Variants in RALGPS2 observed in about 807,000 individuals in gnomAD.
RALGPS2 encodes the protein Ral GEF with PH domain and SH3 binding motif 2, also known as ras-specific guanine nucleotide-releasing factor RalGPS2.
A neutral mutation model predicts 86.8 loss-of-function variants in RALGPS2; 43 were observed. That is an observed-to-expected ratio of 0.50 (90% CI 0.39 to 0.64). The LOEUF is 0.64. RALGPS2 is among the 30% of genes least tolerant of loss of function. RALGPS2 has a pLI of 0.00. For missense variants in RALGPS2, 536 were observed against 694.6 expected (o/e 0.77, Z 2.57); for synonymous variants, 243 against 231.3 (o/e 1.05, Z -0.46).
chr1:178,876,243 T>G (rs1297256662), intron 8 of RALGPS2, among the ~76,000 whole-genome samples: 3 of 152,198 alleles, frequency 2.0e-5, no homozygotes, highest in Non-Finnish European at 4.4e-5. Flanking sequence ...AATGAGATTT[T>G]GAAGTCATAA....
intron 1 of RALGPS2, among the ~76,000 whole-genome samples, chr1:178,742,422 A>G (rs1651088750): frequency 6.6e-6 from 1 of 152,210 alleles, no homozygotes. Context: ...AGTTCTAAAC[A>G]TTTATGCCCC....
At position 178,762,656 on chromosome 1, in the gene RALGPS2, A is replaced by G. The variant is rs1185472126; in HGVS notation, c.-83-14026A>G. ...TTATTGCCCATATTTAGGTCTTTTGAGAAGTATCTGTTCATGTCCTTTGCC... is the reference window on the plus strand; with the variant it reads ...TTATTGCCCATATTTAGGTCTTTTGGGAAGTATCTGTTCATGTCCTTTGCC... On this transcript the variant is annotated intron_variant, in intron 1 of 19. Transcript: ENST00000367635. 2.0e-5 allele frequency among the ~76,000 whole-genome samples: 3 copies of G among 152,156 alleles called. No homozygotes were observed. In the East Asian group the frequency reaches 5.8e-4, roughly 29 times the overall value.
chr1:178,838,394 G>T (rs1309213124), intron 8 of RALGPS2, among the ~76,000 whole-genome samples: 2 of 152,194 alleles, frequency 1.3e-5, no homozygotes, highest in African/African-American at 4.8e-5. Context: ...AGCCTCCGCT[G>T]CTGATATCCC....
chr1:178,856,055 C>T (rs571944514), intron 8 of RALGPS2, among the ~76,000 whole-genome samples: 57 of 148,558 alleles, frequency 3.8e-4, no homozygotes, highest in African/African-American at 1.4e-3. Flanking sequence ...TTATATTTTA[C>T]TAGAAATATG....
At chr1:178,862,827 T>G (rs907691678) in intron 8 of RALGPS2, among the ~76,000 whole-genome samples, 10 of 152,108 alleles carry the variant, frequency 6.6e-5, no homozygotes, top group African/African-American at 2.2e-4. Flanking sequence ...CTAAGCAAAT[T>G]GGACTTTTTC....
chr1:178,915,666 TGTAAG>T (rs1187101348), intron 19 of RALGPS2, among the ~76,000 whole-genome samples: 2 of 152,218 alleles, frequency 1.3e-5, no homozygotes, highest in Non-Finnish European at 2.9e-5. Context: ...AGCTGACACT[TGTAAG>T]GTATTTATGT....
At chr1:178,901,031 A>G (rs1054523861) in intron 17 of RALGPS2, among the ~76,000 whole-genome samples, 2 of 152,050 alleles carry the variant, frequency 1.3e-5, no homozygotes, top group African/African-American at 4.8e-5. Flanking sequence ...GGTAGGGCCA[A>G]TTTCATTCTT....
At chr1:178,793,590 C>T (rs973003514) in intron 4 of RALGPS2, among the ~76,000 whole-genome samples, 2 of 151,954 alleles carry the variant, frequency 1.3e-5, no homozygotes, top group East Asian at 1.9e-4. Flanking sequence ...AAGTCAAGCA[C>T]GTACAGATTG....
At chr1:178,780,716 G>A (rs1316165436) in intron 2 of RALGPS2, among the ~76,000 whole-genome samples, 2 of 152,046 alleles carry the variant, frequency 1.3e-5, no homozygotes, top group African/African-American at 2.4e-5. Context: ...GTTTCTAGCT[G>A]GAATTTTTCT....
chr1:178,735,961 T>C (rs919107888), intron 1 of RALGPS2, among the ~76,000 whole-genome samples: 2 of 152,134 alleles, frequency 1.3e-5, no homozygotes, highest in African/African-American at 4.8e-5. Context: ...AACATCTTTT[T>C]TTATAGCTCT....
chr1:178,894,112 A>G, intron 16 of RALGPS2, 88 bp downstream of exon 16: 1 of 761,718 alleles, frequency 1.3e-6, no homozygotes. Context: ...CAATTAAAAT[A>G]AAACCTGATT....
At chr1:178,872,196 T>G (rs575001990) in intron 8 of RALGPS2, among the ~76,000 whole-genome samples, 1 of 152,334 alleles carries the variant, frequency 6.6e-6, no homozygotes, top group African/African-American at 2.4e-5. Flanking sequence ...GCTGTGTTTC[T>G]CTTTCTGTTA....
intron 1 of RALGPS2, among the ~76,000 whole-genome samples, chr1:178,766,885 G>A (rs184556424): frequency 1.2e-4 from 18 of 152,282 alleles, no homozygotes; most frequent in East Asian, 1.9e-4. Context: ...CCAATGAGTC[G>A]TAGAGTTGGT....
chr1:178,763,339 T>C (rs1233370606), intron 1 of RALGPS2, among the ~76,000 whole-genome samples: 1 of 152,232 alleles, frequency 6.6e-6, no homozygotes, highest in African/African-American at 2.4e-5. Flanking sequence ...TCTTTTGAGG[T>C]TCCACATGAA....
At chr1:178,856,234 T>TATATATATATATACAC (rs1368301659) in intron 8 of RALGPS2, among the ~76,000 whole-genome samples, 3 of 128,786 alleles carry the variant, frequency 2.3e-5, no homozygotes, top group African/African-American at 6.3e-5. Context: ...TATATATATA[T>TATATATATATATACAC]GGTTTTGGGT....
At chr1:178,737,307 C>T (rs1017949823) in intron 1 of RALGPS2, among the ~76,000 whole-genome samples, 1 of 152,168 alleles carries the variant, frequency 6.6e-6, no homozygotes, top group African/African-American at 2.4e-5. Flanking sequence ...GTGCCGGTGG[C>T]ATGATCTTGG....
intron 16 of RALGPS2, 85 bp downstream of exon 16, chr1:178,894,109 A>T: frequency 1.3e-6 from 1 of 774,080 alleles, no homozygotes; most frequent in Non-Finnish European, 2.0e-6. Context: ...AAACAATTAA[A>T]ATAAAACCTG....
chr1:178,881,712 A>G (rs981030050), intron 10 of RALGPS2, among the ~76,000 whole-genome samples: 3 of 152,128 alleles, frequency 2.0e-5, no homozygotes, highest in South Asian at 4.1e-4. Flanking sequence ...TGGCCTCCCA[A>G]AGTGCTAGGA....
At chr1:178,824,778 C>A (rs1328001888) in intron 7 of RALGPS2, among the ~76,000 whole-genome samples, 1 of 151,486 alleles carries the variant, frequency 6.6e-6, no homozygotes, top group Non-Finnish European at 1.5e-5. Flanking sequence ...TACTGCACTC[C>A]AGCCTGTGCG....
Sources: gnomAD v4.1 joint callset for allele counts (sites outside exome capture counted in the v4.1 genomes callset) on GRCh38, gnomAD v4.1.1 for gene constraint, MANE v1.5 for transcripts, NCBI Gene and HGNC (gene_info 2026-07-23, HGNC 2026-07-21) for gene names.